The following TNS1 variants were observed in gnomAD, a reference collection of about 807,000 sequenced individuals.
TNS1 encodes the protein tensin-1.
TNS1 carries 62 observed loss-of-function variants against 168.6 expected under a neutral mutation model. That is an observed-to-expected ratio of 0.37 (90% CI 0.30 to 0.45). The LOEUF is 0.45. TNS1 is among the 20% of genes least tolerant of loss of function. The pLI is 1.00. For synonymous variants in TNS1, 934 were observed against 933.2 expected, an observed-to-expected ratio of 1.00 and a Z score of -0.02; for missense variants, 2,240 against 2,339.4, an observed-to-expected ratio of 0.96 and a Z score of 0.88.
At chr2:217,945,978 C>T (rs891461119) in intron 3 of TNS1, among the ~76,000 whole-genome samples, 2 of 152,126 alleles carry the variant, frequency 1.3e-5, no homozygotes, top group Admixed American at 6.5e-5. Flanking sequence ...CAGAATCCTC[C>T]ATCTTCCCCT....
At chr2:217,825,907 C>A (rs1399970800) in intron 22 of TNS1, among the ~76,000 whole-genome samples, 1 of 152,220 alleles carries the variant, frequency 6.6e-6, no homozygotes, top group Non-Finnish European at 1.5e-5. Context: ...TCTCAAGACA[C>A]TGGGAGTCTG....
chr2:217,832,355 C>G (rs1277728618), intron 21 of TNS1, among the ~76,000 whole-genome samples: 2 of 152,186 alleles, frequency 1.3e-5, no homozygotes, highest in South Asian at 2.1e-4. Flanking sequence ...TAGCCAAGAA[C>G]CTGGCCAGAT....
intron 23 of TNS1, 22 bp from the exon 24 acceptor site, chr2:217,818,781 C>T (rs1942356360): frequency 1.3e-5 from 20 of 1,579,608 alleles, no homozygotes; most frequent in South Asian, 1.0e-4. Flanking sequence ...TGGCAGGTTG[C>T]GATGTCAGTG....
chr2:218,028,292 C>T (rs946040518), intron 1 of TNS1, among the ~76,000 whole-genome samples: 10 of 152,184 alleles, frequency 6.6e-5, no homozygotes, highest in African/African-American at 2.4e-4. Context: ...CAGAGAAGCT[C>T]AGGCCCAGAT....
intron 11 of TNS1, among the ~76,000 whole-genome samples, chr2:217,892,332 C>T (rs1408335226): frequency 2.0e-5 from 3 of 152,160 alleles, no homozygotes; most frequent in African/African-American, 7.2e-5. Flanking sequence ...GAACTTCTGA[C>T]CTCAAGTGAT....
rs747185017 is a variant in TNS1 at position 217,895,049 on chromosome 2, T to C, written c.551A>G (p.Asn184Ser). Residue 184 changes from asparagine to serine, a missense_variant, in exon 9 of 33, where the codon AAC becomes AGC. Transcript: ENST00000682258. ...SKHGGNYLLF[N>S]LSERRPDITK... is the part of the protein sequence containing the mutation. ...GATGTCAGGTCTCCGCTCAGAGAGG[T>C]TGAACAGCTAGAAGGAGCAAAAGGA... 3.7e-6 allele frequency: 6 copies of C among 1,611,212 alleles called. No homozygotes were observed. Among genetic ancestry groups the C allele is most frequent in the African/African-American group, 2.7e-5 (2 of 74,804 alleles).
intron 7 of TNS1, among the ~76,000 whole-genome samples, chr2:217,899,215 T>C (rs1372945328): frequency 2.0e-5 from 3 of 152,128 alleles, no homozygotes; most frequent in African/African-American, 7.2e-5. Flanking sequence ...TGGCAGGACC[T>C]CTCTGTTGGG....
rs1168398615 is a variant in TNS1 at position 217,995,829 on chromosome 2, C to T, written c.34-4773G>A. 6.6e-6 allele frequency among the ~76,000 whole-genome samples: 1 copy of T among 152,216 alleles called. No homozygotes were observed. ...CCCAGGAAAGGGGAAGGGCTCCAGCCTATAAGTCCTTCTTCTCCTCCCTCC... is the reference window on the plus strand; with the variant it reads ...CCCAGGAAAGGGGAAGGGCTCCAGCTTATAAGTCCTTCTTCTCCTCCCTCC... On this transcript the variant is annotated intron_variant, in intron 1 of 32. Coordinates refer to ENST00000682258, the MANE Select transcript of TNS1 (RefSeq NM_001387777.1). This position sits in a 1 kb window ranked among gnomAD's most constrained non-coding sequence, Gnocchi z 4.1.
At chr2:217,917,385 T>C (rs1028879159) in intron 4 of TNS1, among the ~76,000 whole-genome samples, 9 of 152,164 alleles carry the variant, frequency 5.9e-5, no homozygotes, top group Non-Finnish European at 1.2e-4. Flanking sequence ...CTTGTCCTAA[T>C]GGAGTTTACA....
At chr2:217,873,080 G>C (rs1031149197) in intron 18 of TNS1, among the ~76,000 whole-genome samples, 2 of 152,170 alleles carry the variant, frequency 1.3e-5, no homozygotes, top group Non-Finnish European at 2.9e-5. Flanking sequence ...GGGTGGGGGT[G>C]ATAAAACTGT....
At chr2:217,843,153 A>C (rs906122058) in intron 19 of TNS1, among the ~76,000 whole-genome samples, 1 of 151,394 alleles carries the variant, frequency 6.6e-6, no homozygotes, top group Non-Finnish European at 1.5e-5. Context: ...AAAACACAAG[A>C]GTTTTCACTT....
intron 1 of TNS1, among the ~76,000 whole-genome samples, 172 bp from the exon 2 acceptor site, chr2:217,991,228 G>A (rs902371730): frequency 1.9e-4 from 29 of 152,156 alleles, no homozygotes; most frequent in Non-Finnish European, 3.7e-4. Context: ...TGGGGTGACA[G>A]GATGTTCATC....
chr2:217,900,331 C>T (rs1952815203), intron 7 of TNS1, 132 bp downstream of exon 7: 4 of 1,020,138 alleles, frequency 3.9e-6, no homozygotes, highest in South Asian at 1.5e-5. Flanking sequence ...GTGCCTTTCA[C>T]GTTTGCCCAC....
rs57846949 is a variant in TNS1 at position 217,805,884 on chromosome 2, C to CCACACACACACACACA, written c.5376-1297_5376-1282dup. Among the ~76,000 whole-genome samples the CCACACACACACACACA allele has an allele frequency of 8.0e-3, 1,185 of 147,244 alleles. 7 individuals carry two copies. Among genetic ancestry groups the CCACACACACACACACA allele is most frequent in the African/African-American group, 0.01 (408 of 39,768 alleles). On this transcript the variant is annotated intron_variant, in intron 32 of 32. Coordinates refer to ENST00000682258, the MANE Select transcript of TNS1 (RefSeq NM_001387777.1). ...CACGCAAACACAACATATACACACA[C>CCACACACACACACACA]CACACACACACACACACACACACAC... is the stretch of plus-strand genomic sequence containing the variant.
intron 4 of TNS1, among the ~76,000 whole-genome samples, chr2:217,910,884 C>G (rs372504164): frequency 3.9e-5 from 6 of 152,128 alleles, no homozygotes; most frequent in East Asian, 3.9e-4. Context: ...ATCTGCCCAG[C>G]CTTTCATGGT....
At chr2:217,871,166 C>A (rs1949739266) in intron 18 of TNS1, among the ~76,000 whole-genome samples, 1 of 152,246 alleles carries the variant, frequency 6.6e-6, no homozygotes, top group African/African-American at 2.4e-5. Context: ...AGCTGATTCA[C>A]CCTCTCACAG....
chr2:217,846,468 G>A (rs1946658631), intron 19 of TNS1, among the ~76,000 whole-genome samples: 1 of 152,100 alleles, frequency 6.6e-6, no homozygotes, highest in Non-Finnish European at 1.5e-5. Flanking sequence ...TTAGGAAAAG[G>A]GGTGGAGGAC....
chr2:218,006,387 G>C (rs1189462492), upstream of TNS1, among the ~76,000 whole-genome samples: 1 of 152,256 alleles, frequency 6.6e-6, no homozygotes, highest in Non-Finnish European at 1.5e-5. Flanking sequence ...GAGTTTCCCA[G>C]GCCAAGGCCC....
intron 6 of TNS1, among the ~76,000 whole-genome samples, chr2:217,905,623 C>T (rs761297903): frequency 4.6e-5 from 7 of 152,140 alleles, no homozygotes; most frequent in Non-Finnish European, 8.8e-5. Context: ...CGGGTGAAGA[C>T]GGAGGGGCCA....
Sources: gnomAD v4.1 joint callset for allele counts (sites outside exome capture counted in the v4.1 genomes callset) on GRCh38, gnomAD v4.1.1 for gene constraint, Gnocchi (gnomAD v3.1) non-coding constraint, MANE v1.5 for transcripts, NCBI Gene and HGNC (gene_info 2026-07-23, HGNC 2026-07-21) for gene names.